ATRN: variants seen among roughly 807,000 people sequenced by gnomAD.
The protein encoded by ATRN is attractin-2.
A neutral mutation model predicts 178.7 loss-of-function variants in ATRN; 54 were observed. The ratio of observed to expected loss-of-function variants is 0.30; its 90% CI spans 0.24 to 0.38. The LOEUF (loss-of-function observed/expected upper bound fraction) is 0.38, where lower values mean the gene tolerates loss of function less well. Ranked by LOEUF, ATRN falls within the 10% of genes least tolerant of loss-of-function variation. ATRN has a pLI of 1.00. For synonymous variants in ATRN, 636 were observed against 663.0 expected, an observed-to-expected ratio of 0.96 and a Z score of 0.63; for missense variants, 1,443 against 1,815.1, an observed-to-expected ratio of 0.79 and a Z score of 3.73.
chr20:3,640,005 G>A (rs964185908), intron 27 of ATRN, among the ~76,000 whole-genome samples: 11 of 152,138 alleles, frequency 7.2e-5, no homozygotes, highest in African/African-American at 1.7e-4. Flanking sequence ...GAGGCAAGCC[G>A]CCATAAATAA....
chr20:3,641,590 C>CAAAA (rs61692220), intron 27 of ATRN, among the ~76,000 whole-genome samples: 3,984 of 47,556 alleles, frequency 0.084, 433 homozygotes, highest in African/African-American at 0.21. Context: ...GACTCTGTCG[C>CAAAA]AAAAAAAAAA....
chr20:3,596,281 C>G, intron 20 of ATRN, 96 bp from the exon 21 acceptor site: 1 of 1,271,522 alleles, frequency 7.9e-7, no homozygotes, highest in Non-Finnish European at 1.1e-6. Context: ...TGGCTCCAGA[C>G]TATCTGTACT....
chr20:3,479,057 A>G (rs886647624), intron 1 of ATRN, among the ~76,000 whole-genome samples: 12 of 151,692 alleles, frequency 7.9e-5, no homozygotes, highest in Admixed American at 6.6e-4. Flanking sequence ...TGCCCAGCCA[A>G]TTTTTAAATT....
chr20:3,639,311 G>A (rs2087049296), intron 27 of ATRN, among the ~76,000 whole-genome samples: 2 of 152,306 alleles, frequency 1.3e-5, no homozygotes, highest in South Asian at 2.1e-4. Context: ...CTGGAGCGCA[G>A]TGGCATGATC....
At chr20:3,626,489 A>G (rs558546918) in intron 25 of ATRN, among the ~76,000 whole-genome samples, 1 of 152,298 alleles carries the variant, frequency 6.6e-6, no homozygotes, top group Admixed American at 6.5e-5. Flanking sequence ...CAAATTGAAC[A>G]CTTCTAGAGT....
At chr20:3,593,361 A>G (rs997785751) in intron 19 of ATRN, among the ~76,000 whole-genome samples, 1 of 152,230 alleles carries the variant, frequency 6.6e-6, no homozygotes, top group Admixed American at 6.5e-5. Context: ...AGGTAACGAT[A>G]GTAGCCATGA....
intron 24 of ATRN, among the ~76,000 whole-genome samples, chr20:3,617,658 A>G (rs1157310846): frequency 2.0e-5 from 3 of 152,098 alleles, no homozygotes; most frequent in African/African-American, 7.2e-5. Context: ...CATCCCTACT[A>G]AAAAAGAAAA....
At chr20:3,591,625 G>T (rs530581891) in intron 19 of ATRN, among the ~76,000 whole-genome samples, 1 of 152,160 alleles carries the variant, frequency 6.6e-6, no homozygotes, top group Non-Finnish European at 1.5e-5. Context: ...CAGGTCAATA[G>T]TCAGAGGGAT....
chr20:3,625,647 G>C (rs1261328805), intron 25 of ATRN, among the ~76,000 whole-genome samples: 3 of 152,092 alleles, frequency 2.0e-5, no homozygotes, highest in Non-Finnish European at 4.4e-5. Flanking sequence ...ACAGGAAGGT[G>C]CTCTCTTGGT....
chr20:3,511,509 C>G (rs575495863), intron 1 of ATRN, among the ~76,000 whole-genome samples: 1 of 151,522 alleles, frequency 6.6e-6, no homozygotes, highest in East Asian at 1.9e-4. Flanking sequence ...TGGCACAACA[C>G]AGTAAATACT....
At position 3,572,917 on chromosome 20, in the gene ATRN, A is replaced by C; in HGVS notation, c.2058A>C (p.Glu686Asp). ...GGGCGCTGGCAACTGATGAACAAGA[A>C]GAAAAGTTAAAATCAGAATGTTTTT... is the stretch of plus-strand genomic sequence containing the variant. ...ISWALATDEQ[E>D]EKLKSECFSK... Residue 686 changes from glutamate (E) to aspartate (D), a missense_variant, in exon 12 of 29, where the codon GAA becomes GAC. By Grantham distance (45) the Glu-to-Asp change is conservative. Transcript: ENST00000262919. The C allele has an allele frequency of 1.9e-6, 3 of 1,614,096 alleles. No homozygotes were observed. Among genetic ancestry groups the C allele is most frequent in the Middle Eastern group, 3.3e-4 (2 of 6,060 alleles).
intron 1 of ATRN, among the ~76,000 whole-genome samples, chr20:3,522,067 G>A: frequency 6.6e-6 from 1 of 151,974 alleles, no homozygotes; most frequent in East Asian, 1.9e-4. Flanking sequence ...TAGGGTTATA[G>A]ACGTGAGCCA....
intron 1 of ATRN, chr20:3,489,519 T>G: frequency 7.2e-7 from 1 of 1,379,734 alleles, no homozygotes; most frequent in Non-Finnish European, 1.0e-6. Context: ...CTGAGCTACA[T>G]CCCTGAGCAC....
rs770584938 is a variant in ATRN, at chr20:3,519,006, T to TATAAAAAAAAAA, written c.411-16246_411-16245insTAAAAAAAAAAA. Among the ~76,000 whole-genome samples the TATAAAAAAAAAA allele has an allele frequency of 2.4e-3, 287 of 119,340 alleles. 6 individuals carry two copies. Among genetic ancestry groups the TATAAAAAAAAAA allele is most frequent in the Non-Finnish European group, 3.4e-3 (196 of 58,038 alleles). The allele number at this position is 119,340 out of a possible 152,430, so 78.3% of individuals were successfully genotyped here. On this transcript the variant is annotated intron_variant, in intron 1 of 28. Transcript: ENST00000262919. The stretch of plus-strand genomic sequence containing the variant: ...GTGCTTCAATAAACATCCTTATATA[T>TATAAAAAAAAAA]AAAAAAAAAAAAAAGAAAGAAAACT...
rs1470140942 is a variant in ATRN, at chr20:3,645,462, C to T, written c.4165+1194C>T. On this transcript the variant is annotated intron_variant, in intron 28 of 28. Transcript: ENST00000262919. This position sits in a 1 kb window ranked among gnomAD's most constrained non-coding sequence, Gnocchi z 4.7. ...TCTGTCACTCAAGTGCAGTTTGTGT[C>T]TCCTGCCACCGCCCAGCCCAGCAAA... Among the ~76,000 whole-genome samples, 1 of 152,232 alleles carries T rather than the reference C, an allele frequency of 6.6e-6. No homozygotes were observed. Among genetic ancestry groups the T allele is most frequent in the African/African-American group, 2.4e-5 (1 of 41,462 alleles).
intron 1 of ATRN, among the ~76,000 whole-genome samples, chr20:3,519,006 T>TATAAAAAAAAAAAAAA (rs770584938): frequency 1.7e-4 from 20 of 119,486 alleles, no homozygotes; most frequent in Admixed American, 3.5e-4. Flanking sequence ...TCCTTATATA[T>TATAAAAAAAAAAAAAA]AAAAAAAAAA....
In ATRN at chr20:3,559,272, G is replaced by GC. The variant is rs950350121; in HGVS notation, c.1113-115dup. On this transcript the variant is annotated intron_variant, in intron 6 of 28. Coordinates refer to ENST00000262919, the MANE Select transcript of ATRN (RefSeq NM_139321.3). ...AGGTTTATTTGTGAAGGTGACAAGT[G>GC]CCCCCCTACATCCATGGTGGATTTA... 4.6e-4 allele frequency: 336 copies of GC among 733,740 alleles called. 2 individuals are homozygous for GC. Among genetic ancestry groups the GC allele is most frequent in the Non-Finnish European group, 1.3e-4 (54 of 415,986 alleles). The allele number at this position is 733,740 out of a possible 1,614,324, so 45.5% of individuals were successfully genotyped here.
chr20:3,491,977 CCTTTT>C (rs1206553334), intron 1 of ATRN, among the ~76,000 whole-genome samples: 1 of 151,808 alleles, frequency 6.6e-6, no homozygotes, highest in Non-Finnish European at 1.5e-5. Flanking sequence ...TTGCCCATTG[CCTTTT>C]CTTTTCTTTC....
chr20:3,603,694 T>C (rs1439502455), intron 23 of ATRN, among the ~76,000 whole-genome samples: 1 of 151,938 alleles, frequency 6.6e-6, no homozygotes, highest in Admixed American at 6.6e-5. Context: ...TCTCCATGTT[T>C]GTCAGGCTGG....
Sources: allele counts gnomAD v4.1 joint callset (sites outside exome capture counted in the v4.1 genomes callset), GRCh38; gene constraint gnomAD v4.1.1; non-coding constraint Gnocchi (gnomAD v3.1); transcripts MANE v1.5; gene names NCBI Gene and HGNC (gene_info 2026-07-23, HGNC 2026-07-21).